The following GFM2 variants were observed in gnomAD, a reference collection of about 807,000 sequenced individuals.
GFM2 encodes the protein ribosome-releasing factor 2, mitochondrial.
GFM2 carries 72 observed loss-of-function variants against 95.4 expected under a neutral mutation model. The observed-to-expected ratio is 0.76, with a 90% CI of 0.62 to 0.92. The LOEUF is 0.92. Among genes scored for constraint, GFM2 ranks in the 40% least tolerant of loss-of-function variants. The pLI is 0.00. For synonymous variants in GFM2, 276 were observed against 317.5 expected, an observed-to-expected ratio of 0.87 and a Z score of 1.39; for missense variants, 825 against 924.1, an observed-to-expected ratio of 0.89 and a Z score of 1.39.
intron 20 of GFM2, 121 bp downstream of exon 20, chr5:74,722,258 A>C: frequency 1.2e-6 from 1 of 836,332 alleles, no homozygotes; most frequent in Non-Finnish European, 1.9e-6. Flanking sequence ...AACGAAACTT[A>C]ACATGTATTC....
In GFM2 at chr5:74,730,333, A is replaced by G. The variant is rs910746851; in HGVS notation, c.1653T>C (p.Tyr551=). 21 of 1,612,872 alleles carry G rather than the reference A, an allele frequency of 1.3e-5. No homozygotes were observed. The highest frequency in any genetic ancestry group is 2.2e-5 in the South Asian group (2 of 91,048). Residue 551 remains tyrosine (Y), a synonymous_variant, in exon 17 of 21, where the codon TAT becomes TAC. Transcript: ENST00000296805. The part of the protein sequence containing the change: ...EIIHDRIKRE[Y]GLETYLGPLQ... ...GAGGCCCGAGATAGGTCTCCAGTCC[A>G]TATTCCCTCTTGATTCGATCATGAA...
chr5:74,748,934 AAT>A (rs1554040884), intron 7 of GFM2, among the ~76,000 whole-genome samples: 7 of 145,376 alleles, frequency 4.8e-5, no homozygotes, highest in African/African-American at 1.8e-4. Flanking sequence ...AAATAAAAAA[AAT>A]AAAAAATAAA....
chr5:74,737,464 A>C (rs769478102), intron 14 of GFM2, among the ~76,000 whole-genome samples: 8 of 152,170 alleles, frequency 5.3e-5, no homozygotes, highest in Non-Finnish European at 8.8e-5. Context: ...TTTCACTTCT[A>C]AACTTTTATA....
chr5:74,750,453 CT>C, intron 7 of GFM2, 125 bp downstream of exon 7: 1 of 580,930 alleles, frequency 1.7e-6, no homozygotes, highest in Non-Finnish European at 3.1e-6. Flanking sequence ...TTCTGATTTC[CT>C]TTTACCATTA....
chr5:74,763,101 A>T (rs1209671184), intron 2 of GFM2, among the ~76,000 whole-genome samples: 1 of 152,232 alleles, frequency 6.6e-6, no homozygotes, highest in Non-Finnish European at 1.5e-5. Context: ...TATACTGAAG[A>T]TGTGATAGTT....
intron 15 of GFM2, among the ~76,000 whole-genome samples, chr5:74,735,497 T>G (rs1742786606): frequency 6.6e-6 from 1 of 152,178 alleles, no homozygotes; most frequent in Admixed American, 6.6e-5. Flanking sequence ...AAAGAGGGCT[T>G]CTAATGCCAC....
At chr5:74,721,882 C>T in intron 20 of GFM2, 99 bp from the exon 21 acceptor site, 1 of 1,163,360 alleles carries the variant, frequency 8.6e-7, no homozygotes, top group Non-Finnish European at 1.2e-6. Flanking sequence ...AGTGATGTTG[C>T]CACTTTTGTG....
intron 8 of GFM2, among the ~76,000 whole-genome samples, chr5:74,746,401 G>C (rs537805231): frequency 6.6e-5 from 10 of 152,298 alleles, no homozygotes; most frequent in Admixed American, 6.5e-4. Context: ...GAGCTGTTTA[G>C]GGTATTATTA....
intron 5 of GFM2, among the ~76,000 whole-genome samples, chr5:74,755,629 G>A (rs1309058402): frequency 4.6e-5 from 7 of 152,090 alleles, no homozygotes; most frequent in Non-Finnish European, 1.0e-4. Flanking sequence ...ACCTAGAGGA[G>A]ATGGATAAAT....
At position 74,727,116 on chromosome 5, in the gene GFM2, T is replaced by G. The variant is rs1316633771; in HGVS notation, c.1727-990A>C. Among the ~76,000 whole-genome samples the G allele has an allele frequency of 2.0e-5, 3 of 152,260 alleles. No homozygotes were observed. In the East Asian group the frequency reaches 5.8e-4, roughly 29 times the overall value. On this transcript the variant is annotated intron_variant, in intron 17 of 20. Transcript: ENST00000296805. ...CCAGGAGTTCAAGGCTACAGTCAGC[T>G]AAGATCTTGCCATTGTATGCCAGCC...
chr5:74,733,271 G>A (rs1036874323), intron 15 of GFM2, 173 bp from the exon 16 acceptor site: 21 of 519,790 alleles, frequency 4.0e-5, no homozygotes, highest in East Asian at 6.6e-5. Flanking sequence ...CAGAATGATC[G>A]CTTGAGCCCA....
rs116830945 is a variant in GFM2, at chr5:74,747,813, G to C, written c.520-33C>G. Reference sequence around the variant, plus strand: ...AAAGATGAGGAAAAAAATACATACTGAACAAAAGTAACTATGTTACTAGAC... The same window carrying C: ...AAAGATGAGGAAAAAAATACATACTCAACAAAAGTAACTATGTTACTAGAC... On this transcript the variant is annotated intron_variant, in intron 7 of 20. Transcript: ENST00000296805. 8,585 of 1,215,174 alleles carry C rather than the reference G, an allele frequency of 7.1e-3. 44 individuals are homozygous for C. Among genetic ancestry groups the C allele is most frequent in the Non-Finnish European group, 8.6e-3 (7,120 of 829,872 alleles). The allele number at this position is 1,215,174 out of a possible 1,614,324, so 75.3% of individuals were successfully genotyped here. A position where few individuals can be genotyped will look rare whatever the true frequency, so the allele number is the denominator to read the frequency against.
At chr5:74,724,914 T>C (rs1166384341) in intron 19 of GFM2, among the ~76,000 whole-genome samples, 1 of 152,132 alleles carries the variant, frequency 6.6e-6, no homozygotes, top group Non-Finnish European at 1.5e-5. Flanking sequence ...GGTAGGTTCA[T>C]GAGGCAGGAA....
At chr5:74,724,871 G>T (rs1261119441) in intron 19 of GFM2, among the ~76,000 whole-genome samples, 1 of 152,134 alleles carries the variant, frequency 6.6e-6, no homozygotes, top group African/African-American at 2.4e-5. Flanking sequence ...TCAGCATTCA[G>T]CATACCACAC....
At chr5:74,756,715 T>C (rs1298189969) in intron 5 of GFM2, among the ~76,000 whole-genome samples, 2 of 151,878 alleles carry the variant, frequency 1.3e-5, no homozygotes, top group Non-Finnish European at 2.9e-5. Flanking sequence ...TACTCAGTCA[T>C]AAAAAAGAAC....
Position 74,759,393 on chromosome 5 carries a change from G to C in GFM2, c.182C>G (p.Ser61Cys). ...LIGNDIKSLH[S>C]IINPPIAKIR... ...CTTAGCTATGGGAGGATTGATGATGGAATGAAGGGATTTGATATCATTTCC... is the reference window on the plus strand; with the variant it reads ...CTTAGCTATGGGAGGATTGATGATGCAATGAAGGGATTTGATATCATTTCC... Residue 61 changes from serine to cysteine, a missense_variant, in exon 4 of 21, where the codon TCC becomes TGC. Transcript: ENST00000296805. 6.5e-7 allele frequency: 1 copy of C among 1,536,766 alleles called. No homozygotes were observed.
At chr5:74,751,539 ATT>A in intron 5 of GFM2, 46 bp from the exon 6 acceptor site, 1 of 1,458,110 alleles carries the variant, frequency 6.9e-7, no homozygotes, top group Non-Finnish European at 9.6e-7. Context: ...TAGCAAGTGT[ATT>A]TTATTCGTGC....
chr5:74,735,185 C>T (rs559641947), intron 15 of GFM2, among the ~76,000 whole-genome samples: 2 of 152,290 alleles, frequency 1.3e-5, no homozygotes, highest in South Asian at 4.1e-4. Context: ...ACTTAACTGT[C>T]CTCAAGGCAT....
chr5:74,747,809 T>C (rs1438190914), intron 7 of GFM2, 29 bp from the exon 8 acceptor site: 6 of 1,298,152 alleles, frequency 4.6e-6, no homozygotes, highest in Middle Eastern at 3.7e-4. Context: ...AAAAAATACA[T>C]ACTGAACAAA....
Sources: allele counts gnomAD v4.1 joint callset (sites outside exome capture counted in the v4.1 genomes callset), GRCh38; gene constraint gnomAD v4.1.1; transcripts MANE v1.5; gene names NCBI Gene and HGNC (gene_info 2026-07-23, HGNC 2026-07-21).